LPP: variants seen among roughly 807,000 people sequenced by gnomAD.
LPP encodes the protein lipoma-preferred partner.
Under a neutral mutation model 60.4 loss-of-function variants are expected in LPP, and 38 were observed. That is an observed-to-expected ratio of 0.63 (90% CI 0.49 to 0.83). The LOEUF is 0.83. LPP is among the 40% of genes least tolerant of loss of function. The probability of loss-of-function intolerance (pLI) is 0.00; values close to 1 mark genes in which losing one functional copy is unlikely to be tolerated. For missense variants in LPP, 902 were observed against 783.6 expected, an observed-to-expected ratio of 1.15 and a Z score of -1.80; for synonymous variants, 328 against 290.8, an observed-to-expected ratio of 1.13 and a Z score of -1.30.
intron 9 of LPP, among the ~76,000 whole-genome samples, chr3:188,852,354 G>A (rs531321817): frequency 1.3e-5 from 2 of 152,092 alleles, no homozygotes; most frequent in Non-Finnish European, 2.9e-5. Context: ...TCTGCATGTG[G>A]TCTCTCCAGC....
intron 2 of LPP, among the ~76,000 whole-genome samples, chr3:188,301,980 GA>G (rs11429776): frequency 1.4e-5 from 2 of 144,576 alleles, no homozygotes; most frequent in East Asian, 2.1e-4. Context: ...TAAAAAAAAA[GA>G]AAAAAAAAAC....
intron 2 of LPP, among the ~76,000 whole-genome samples, chr3:188,328,068 C>T (rs1420456206): frequency 6.6e-6 from 1 of 151,976 alleles, no homozygotes; most frequent in East Asian, 1.9e-4. Context: ...TCTCTCACAG[C>T]TATGTATTTG....
intron 4 of LPP, among the ~76,000 whole-genome samples, chr3:188,457,363 A>G (rs1797955811): frequency 6.6e-6 from 1 of 152,206 alleles, no homozygotes; most frequent in African/African-American, 2.4e-5. Flanking sequence ...AGAGAAGACA[A>G]CAACCTTATT....
At chr3:188,179,407 G>T in intron 1 of LPP, 1 of 457,872 alleles carries the variant, frequency 2.2e-6, no homozygotes, top group Non-Finnish European at 4.4e-6. Flanking sequence ...GCCACCTGCG[G>T]GCTTGGAGGG....
chr3:188,810,103 A>T (rs1399575683), intron 9 of LPP, among the ~76,000 whole-genome samples: 4 of 152,178 alleles, frequency 2.6e-5, no homozygotes, highest in Non-Finnish European at 5.9e-5. Flanking sequence ...GGAAAAGAGT[A>T]TAAATTAAAT....
At chr3:188,796,634 T>C (rs765141411) in intron 9 of LPP, among the ~76,000 whole-genome samples, 4 of 152,320 alleles carry the variant, frequency 2.6e-5, no homozygotes, top group African/African-American at 9.6e-5. Context: ...AAACCATGTT[T>C]AGTTAAGAAC....
At chr3:188,723,299 C>T (rs567260514) in intron 8 of LPP, among the ~76,000 whole-genome samples, 1 of 152,308 alleles carries the variant, frequency 6.6e-6, no homozygotes, top group South Asian at 2.1e-4. Flanking sequence ...GAATACATTT[C>T]TGCAAGGCTG....
chr3:188,282,213 G>T (rs924301306), intron 2 of LPP, among the ~76,000 whole-genome samples: 35 of 151,924 alleles, frequency 2.3e-4, no homozygotes, highest in Admixed American at 2.3e-3. Flanking sequence ...GGGCTCAGTG[G>T]CCAGGCGTTT....
chr3:188,245,793 C>T (rs1390622552), intron 2 of LPP, among the ~76,000 whole-genome samples: 1 of 152,032 alleles, frequency 6.6e-6, no homozygotes, highest in East Asian at 1.9e-4. Flanking sequence ...CCTCCCACCT[C>T]GGCCTTCCAA....
At chr3:188,608,499 T>A (rs1194364502) in intron 6 of LPP, among the ~76,000 whole-genome samples, 2 of 43,678 alleles carry the variant, frequency 4.6e-5, no homozygotes, top group Non-Finnish European at 9.7e-5. Context: ...GTGGATATAT[T>A]TCCGGGCTCT....
intron 3 of LPP, among the ~76,000 whole-genome samples, chr3:188,342,446 G>A (rs1044269622): frequency 5.3e-5 from 8 of 152,142 alleles, no homozygotes; most frequent in Admixed American, 4.6e-4. Flanking sequence ...TACCAGATGC[G>A]ATTTTTCTCC....
intron 4 of LPP, among the ~76,000 whole-genome samples, chr3:188,478,234 A>G (rs546023039): frequency 1.3e-5 from 2 of 152,274 alleles, no homozygotes; most frequent in Non-Finnish European, 2.9e-5. Context: ...AAAAGAAAGC[A>G]TTGTCATGTA....
At chr3:188,577,604 G>A (rs1467011843) in intron 6 of LPP, among the ~76,000 whole-genome samples, 2 of 151,264 alleles carry the variant, frequency 1.3e-5, no homozygotes, top group Admixed American at 6.6e-5. Flanking sequence ...GTATATGTAT[G>A]TATATACATA....
chr3:188,510,067 G>A (rs558783747), intron 5 of LPP, among the ~76,000 whole-genome samples: 1 of 151,994 alleles, frequency 6.6e-6, no homozygotes, highest in African/African-American at 2.4e-5. Flanking sequence ...GTAAATAGTA[G>A]ACATTTGATT....
Position 188,470,281 on chromosome 3 carries a change from TACACACACAC to T in LPP, c.194-14282_194-14273del, listed in dbSNP as rs59656753. On this transcript the variant is annotated intron_variant, in intron 4 of 11. Coordinates refer to ENST00000617246, the MANE Select transcript of LPP (RefSeq NM_001375462.1). Reference sequence around the variant, plus strand: ...TCTCTTTTCTTCTCTCTCTCTCTCATACACACACACACACACACACACACACACACACACA... The same window carrying T: ...TCTCTTTTCTTCTCTCTCTCTCTCATACACACACACACACACACACACACA... Among the ~76,000 whole-genome samples, 538 of 126,858 alleles carry T rather than the reference TACACACACAC, an allele frequency of 4.2e-3. 5 individuals carry two copies. The highest frequency in any genetic ancestry group is 6.4e-3 in the Non-Finnish European group (378 of 59,476). The allele number at this position is 126,858 out of a possible 152,430, so 83.2% of individuals were successfully genotyped here. A position where few individuals can be genotyped will look rare whatever the true frequency, so the allele number is the denominator to read the frequency against.
intron 9 of LPP, among the ~76,000 whole-genome samples, chr3:188,807,066 AAC>A (rs1199678083): frequency 6.6e-6 from 1 of 151,512 alleles, no homozygotes; most frequent in South Asian, 2.1e-4. Flanking sequence ...TCTGTCCTGA[AAC>A]AGTTTTTAAT....
rs1045601545 is a variant in LPP at position 188,456,665 on chromosome 3, A to G, written c.194-27927A>G. On this transcript the variant is annotated intron_variant, in intron 4 of 11. Transcript: ENST00000617246. ...CTTTTTGCCACTGATGGCAGAGTCA[A>G]CCTCGGCTTCTGAGTTTAAGAAGAG... Among the ~76,000 whole-genome samples, 7 of 152,304 alleles carry G rather than the reference A, an allele frequency of 4.6e-5. No homozygotes were observed. The East Asian group carries it at 1.2e-3, about 25-fold the overall frequency.
intron 2 of LPP, among the ~76,000 whole-genome samples, chr3:188,255,331 A>G (rs1403043433): frequency 6.6e-6 from 1 of 152,224 alleles, no homozygotes; most frequent in Non-Finnish European, 1.5e-5. Context: ...GCATTAGTCT[A>G]CCAGGTCATA....
rs924909392 is a variant in LPP at position 188,352,311 on chromosome 3, T to C, written c.-10+10592T>C. Among the ~76,000 whole-genome samples, 2 of 152,204 alleles carry C rather than the reference T, an allele frequency of 1.3e-5. No homozygotes were observed. The highest frequency in any genetic ancestry group is 2.9e-5 in the Non-Finnish European group (2 of 68,036). On this transcript the variant is annotated intron_variant, in intron 3 of 11. Coordinates refer to ENST00000617246, the MANE Select transcript of LPP (RefSeq NM_001375462.1). The surrounding 1 kb of genome is among the most constrained non-coding windows in gnomAD (Gnocchi z 4.4). Reference sequence around the variant, plus strand: ...CTGAAATGTGGCAGCTGCGCACACGTATTGGCTGCTTTTTCTCCCCACCTT... The same window carrying C: ...CTGAAATGTGGCAGCTGCGCACACGCATTGGCTGCTTTTTCTCCCCACCTT...
Sources: allele counts gnomAD v4.1 joint callset (sites outside exome capture counted in the v4.1 genomes callset), GRCh38; gene constraint gnomAD v4.1.1; non-coding constraint Gnocchi (gnomAD v3.1); transcripts MANE v1.5; gene names NCBI Gene and HGNC (gene_info 2026-07-23, HGNC 2026-07-21).